The following GPD1L variants were observed in gnomAD, a reference collection of about 807,000 sequenced individuals.
GPD1L encodes glycerol-3-phosphate dehydrogenase 1 like.
Under a neutral mutation model 32.9 loss-of-function variants are expected in GPD1L, and 17 were observed. The observed-to-expected ratio is 0.52, with a 90% CI of 0.35 to 0.78. The LOEUF (loss-of-function observed/expected upper bound fraction) is 0.78. GPD1L is among the 30% of genes least tolerant of loss of function. The probability of loss-of-function intolerance (pLI) is 0.01; values close to 1 mark genes in which losing one functional copy is unlikely to be tolerated. For missense variants in GPD1L, 361 were observed against 447.8 expected, an observed-to-expected ratio of 0.81 and a Z score of 1.75; for synonymous variants, 187 against 165.9, an observed-to-expected ratio of 1.13 and a Z score of -0.98.
intron 4 of GPD1L, 147 bp downstream of exon 4, chr3:32,140,513 A>G: frequency 2.2e-6 from 2 of 890,394 alleles, no homozygotes; most frequent in Non-Finnish European, 3.6e-6. Context: ...CGAGGGTTTT[A>G]CTTAAGGAGG....
intron 5 of GPD1L, among the ~76,000 whole-genome samples, chr3:32,153,075 A>G (rs1700942477): frequency 6.6e-6 from 1 of 152,182 alleles, no homozygotes; most frequent in South Asian, 2.1e-4. Flanking sequence ...GATTGGGGAT[A>G]AAGCAGCAGC....
chr3:32,129,045 A>G (rs1700552371), intron 2 of GPD1L, among the ~76,000 whole-genome samples: 1 of 152,238 alleles, frequency 6.6e-6, no homozygotes, highest in Non-Finnish European at 1.5e-5. Context: ...GAAGAAAGAA[A>G]TGAGCTTGGG....
At chr3:32,133,845 C>T (rs79747759) in intron 2 of GPD1L, among the ~76,000 whole-genome samples, 3,639 of 152,264 alleles carry the variant, frequency 0.024, 132 homozygotes, top group African/African-American at 0.082. Context: ...CCAGGAAGTA[C>T]GAAAGAACCT....
At chr3:32,130,330 G>A (rs979382325) in intron 2 of GPD1L, among the ~76,000 whole-genome samples, 1 of 152,104 alleles carries the variant, frequency 6.6e-6, no homozygotes, top group Non-Finnish European at 1.5e-5. Context: ...TGACCAATAT[G>A]TCCCCAGTCC....
rs192905901 is a variant in GPD1L at position 32,159,612 on chromosome 3, C to T, written c.897C>T (p.Leu299=). Residue 299 remains leucine, a synonymous_variant, in exon 7 of 8, where the codon CTC becomes CTT. Transcript: ENST00000282541. ...AGGAGATGCTGAATGGGCAAAAGCTCCAAGGACCGCAGACTTCTGCTGAAG... is the reference window on the plus strand; with the variant it reads ...AGGAGATGCTGAATGGGCAAAAGCTTCAAGGACCGCAGACTTCTGCTGAAG... ...LEKEMLNGQK[L]QGPQTSAEVY... 152 of 1,613,204 alleles carry T rather than the reference C, an allele frequency of 9.4e-5. No individual in the cohort carries two copies. The highest frequency in any genetic ancestry group is 1.2e-4 in the Non-Finnish European group (145 of 1,179,438).
At chr3:32,149,559 C>T (rs1324752321) in intron 5 of GPD1L, among the ~76,000 whole-genome samples, 1 of 152,176 alleles carries the variant, frequency 6.6e-6, no homozygotes. Context: ...GTACCAGTGC[C>T]TCTTACTACC....
intron 5 of GPD1L, among the ~76,000 whole-genome samples, chr3:32,150,397 C>T (rs1456442819): frequency 1.3e-5 from 2 of 152,068 alleles, no homozygotes; most frequent in Admixed American, 1.3e-4. Context: ...CTGCCTCAGC[C>T]TCCCAAGTAG....
chr3:32,140,403 C>T, intron 4 of GPD1L, 37 bp downstream of exon 4: 1 of 1,609,200 alleles, frequency 6.2e-7, no homozygotes, highest in Non-Finnish European at 8.5e-7. Context: ...GGAGTCTGGA[C>T]ATTTGATGTT....
chr3:32,112,356 C>T (rs879349257), intron 1 of GPD1L, among the ~76,000 whole-genome samples: 3 of 56,328 alleles, frequency 5.3e-5, no homozygotes, highest in African/African-American at 3.2e-4. Flanking sequence ...AACTCATGGC[C>T]GGGCGCAGTG....
At position 32,165,971 on chromosome 3, in the gene GPD1L, G is replaced by A. The variant is rs1441998861; in HGVS notation, c.*61G>A. On this transcript the variant is annotated 3_prime_UTR_variant, in exon 8 of 8. Coordinates refer to ENST00000282541, the MANE Select transcript of GPD1L (RefSeq NM_015141.4). ...TTTCTGATCAATCTTTTGGGTTCAC[G>A]TGGAAACCAGGACTTGGCAACATGA... is the stretch of plus-strand genomic sequence containing the variant. 1.4e-5 allele frequency: 13 copies of A among 903,164 alleles called. No individual in the cohort carries two copies. The highest frequency in any genetic ancestry group is 5.1e-5 in the Admixed American group (3 of 58,386). 55.9% of individuals were successfully genotyped at this position (903,164 alleles called of 1,614,324 possible).
intron 5 of GPD1L, chr3:32,151,525 G>C (rs1410444918): frequency 3.6e-6 from 1 of 280,870 alleles, no homozygotes; most frequent in East Asian, 8.3e-5. Context: ...TGTTGCCCAG[G>C]CTGGAGTGCA....
chr3:32,156,434 A>G (rs9826638), intron 5 of GPD1L, among the ~76,000 whole-genome samples: 83,161 of 152,058 alleles, frequency 0.55, 24,543 homozygotes, highest in East Asian at 0.86. Context: ...AGGCATAAGC[A>G]GCAACCGCAG....
chr3:32,115,970 A>G (rs769604695), intron 1 of GPD1L, among the ~76,000 whole-genome samples: 30 of 151,382 alleles, frequency 2.0e-4, no homozygotes, highest in Non-Finnish European at 3.7e-4. Context: ...TTGTATTTTT[A>G]GTAGAGACGG....
At chr3:32,162,786 G>T (rs895098486) in intron 7 of GPD1L, among the ~76,000 whole-genome samples, 2 of 151,836 alleles carry the variant, frequency 1.3e-5, no homozygotes, top group Non-Finnish European at 2.9e-5. Context: ...CAAGCTCCTG[G>T]GTCTCACTCT....
At chr3:32,108,135 A>G (rs1229796785) in intron 1 of GPD1L, among the ~76,000 whole-genome samples, 1 of 152,242 alleles carries the variant, frequency 6.6e-6, no homozygotes, top group African/African-American at 2.4e-5. Flanking sequence ...GCAGTAGCTT[A>G]TGCCTGTAAT....
At position 32,167,109 on chromosome 3, in the gene GPD1L, G is replaced by GA. The variant is rs1194762329; in HGVS notation, c.*1203dup. ...CTACAATATGTGAACCACTACTTTAGAAAATCTGCTTTAACTTGGTATTCC... is the reference window on the plus strand; with the variant it reads ...CTACAATATGTGAACCACTACTTTAGAAAAATCTGCTTTAACTTGGTATTCC... On this transcript the variant is annotated 3_prime_UTR_variant, in exon 8 of 8. Coordinates refer to ENST00000282541, the MANE Select transcript of GPD1L (RefSeq NM_015141.4). 2.6e-5 allele frequency: 4 copies of GA among 152,130 alleles called. No homozygotes were observed. Among genetic ancestry groups the GA allele is most frequent in the African/African-American group, 9.7e-5 (4 of 41,404 alleles). The allele number at this position is 152,130 out of a possible 1,614,324, so 9.4% of individuals were successfully genotyped here. A position where few individuals can be genotyped will look rare whatever the true frequency, so the allele number is the denominator to read the frequency against.
At chr3:32,156,649 G>A (rs906756691) in intron 5 of GPD1L, among the ~76,000 whole-genome samples, 3 of 151,970 alleles carry the variant, frequency 2.0e-5, no homozygotes, top group African/African-American at 7.3e-5. Flanking sequence ...TTTGCGCCTC[G>A]GTCTTCTGGT....
chr3:32,132,388 G>C (rs952345631), intron 2 of GPD1L, among the ~76,000 whole-genome samples: 1 of 152,234 alleles, frequency 6.6e-6, no homozygotes, highest in African/African-American at 2.4e-5. Flanking sequence ...TTGTTTCAGT[G>C]CTTTTTAGGT....
chr3:32,135,124 C>G lies in GPD1L; in HGVS notation c.226-3463C>G, dbSNP rs1017636179. Among the ~76,000 whole-genome samples the G allele has an allele frequency of 8.5e-5, 13 of 152,258 alleles. 1 individual carries two copies. Among genetic ancestry groups the G allele is most frequent in the African/African-American group, 3.1e-4 (13 of 41,544 alleles). ...TGGTTCTGGTGTTTTTTCCACTTCA[C>G]CATGTTGAAAATGCCCCAAAGGGGG... On this transcript the variant is annotated intron_variant, in intron 2 of 7. Coordinates refer to ENST00000282541, the MANE Select transcript of GPD1L (RefSeq NM_015141.4).
Sources: gnomAD v4.1 joint callset for allele counts (sites outside exome capture counted in the v4.1 genomes callset) on GRCh38, gnomAD v4.1.1 for gene constraint, MANE v1.5 for transcripts, NCBI Gene and HGNC (gene_info 2026-07-23, HGNC 2026-07-21) for gene names.